The following RBM11 variants were observed in gnomAD, a reference collection of about 807,000 sequenced individuals.
RBM11 encodes RNA binding motif protein 11.
In RBM11, 18 loss-of-function variants were observed where a neutral mutation model predicts 21.4. The observed-to-expected ratio is 0.84, with a 90% CI of 0.58 to 1.25. The LOEUF is 1.25. Among genes scored for constraint, RBM11 ranks in the 50% most tolerant of loss-of-function variants. The probability of loss-of-function intolerance (pLI) is 0.00; values close to 1 mark genes in which losing one functional copy is unlikely to be tolerated. For missense variants in RBM11, 294 were observed against 331.9 expected (o/e 0.89, Z 0.89); for synonymous variants, 120 against 116.3 (o/e 1.03, Z -0.20).
Position 14,219,744 on chromosome 21 carries a change from T to C in RBM11, c.259+19T>C. On this transcript the variant is annotated intron_variant, in intron 2 of 4. Transcript: ENST00000400577. ...CGATTTGGTAGGTCCTGTCACTGAT[T>C]AATCTTCAAAGTGTTTTGTGGTTGG... 6.5e-7 allele frequency: 1 copy of C among 1,543,900 alleles called. No homozygotes were observed. The highest frequency in any genetic ancestry group is 8.8e-7 in the Non-Finnish European group (1 of 1,134,588).
chr21:14,222,262 C>T (rs1346906246), intron 3 of RBM11, among the ~76,000 whole-genome samples: 3 of 151,822 alleles, frequency 2.0e-5, no homozygotes, highest in African/African-American at 7.3e-5. Flanking sequence ...AATAGATATA[C>T]TCTATTCAGA....
In RBM11 at chr21:14,219,497, TTTAC is replaced by T. The variant is rs1978472664; in HGVS notation, c.97-62_97-59del. On this transcript the variant is annotated intron_variant, in intron 1 of 4. Transcript: ENST00000400577. ...CACATTTCTTTAGTCTAAAGTTGAA[TTTAC>T]TTATTTGAGTATAAAAAAAATCTTT... 4.1e-6 allele frequency: 5 copies of T among 1,234,488 alleles called. No individual in the cohort carries two copies. The African/African-American group carries it at 4.5e-5, about 11-fold the overall frequency. 76.5% of individuals were successfully genotyped at this position (1,234,488 alleles called of 1,614,324 possible). A position where few individuals can be genotyped will look rare whatever the true frequency, so the allele number is the denominator to read the frequency against.
At chr21:14,226,836 A>T in intron 4 of RBM11, 44 bp from the exon 5 acceptor site, 1 of 1,557,564 alleles carries the variant, frequency 6.4e-7, no homozygotes, top group Admixed American at 2.0e-5. Context: ...TTTTTCCTTA[A>T]CCTTTTGGAT....
In RBM11 at chr21:14,216,183, G is replaced by T. The variant is rs2020436090; in HGVS notation, c.-4G>T. 6.2e-7 allele frequency: 1 copy of T among 1,612,484 alleles called. No homozygotes were observed. The highest frequency in any genetic ancestry group is 8.5e-7 in the Non-Finnish European group (1 of 1,179,128). The stretch of plus-strand genomic sequence containing the variant: ...CTACTTCATTCTACGGCCGAGACCG[G>T]AGGATGTTCCCTGCTCAGGAGGAGG... On this transcript the variant is annotated 5_prime_UTR_variant, in exon 1 of 5. Transcript: ENST00000400577.
rs1568903202 is a variant in RBM11 at position 14,227,262 on chromosome 21, T to C, written c.815T>C (p.Phe272Ser). ...NNRGNECSQK[F>S]RKSKKKKRY ...AGAGGCAACGAATGTAGCCAAAAGT[T>C]CCGAAAGTCTAAGAAGAAGAAAAGA... The change falls in exon 5 of 5, where the codon TTC becomes TCC. Residue 272 changes from phenylalanine (F) to serine (S), a missense_variant. This residue lies in a region of RBM11 where 113 missense variants were observed against 167.3 expected (regional missense o/e 0.68). Coordinates refer to ENST00000400577, the MANE Select transcript of RBM11 (RefSeq NM_144770.5). 1 of 1,612,804 alleles carries C rather than the reference T, an allele frequency of 6.2e-7. No individual in the cohort carries two copies. The highest frequency in any genetic ancestry group is 8.5e-7 in the Non-Finnish European group (1 of 1,179,512).
At chr21:14,220,960 T>C in intron 2 of RBM11, 137 bp from the exon 3 acceptor site, 1 of 714,692 alleles carries the variant, frequency 1.4e-6, no homozygotes, top group South Asian at 2.2e-5. Flanking sequence ...AGGTCAGATA[T>C]GCATATATCT....
Position 14,219,564 on chromosome 21 carries a change from C to A in RBM11, c.98C>A (p.Ala33Glu). ...AAATAATTTTTAAGTTTCTTATAGGCGGGGCCACTAACCAAAGTGACTATA... is the reference window on the plus strand; with the variant it reads ...AAATAATTTTTAAGTTTCTTATAGGAGGGGCCACTAACCAAAGTGACTATA... ...EEILYELFLQ[A>E]GPLTKVTICK... The change falls in exon 2 of 5, where the codon GCG becomes GAG. Residue 33 changes from alanine to glutamate, a missense_variant and splice_region_variant. Transcript: ENST00000400577. 1 of 1,489,342 alleles carries A rather than the reference C, an allele frequency of 6.7e-7. No individual in the cohort carries two copies. Among genetic ancestry groups the A allele is most frequent in the Non-Finnish European group, 9.0e-7 (1 of 1,106,002 alleles). The allele number at this position is 1,489,342 out of a possible 1,614,324, so 92.3% of individuals were successfully genotyped here.
intron 2 of RBM11, among the ~76,000 whole-genome samples, chr21:14,220,298 A>C (rs1449477190): frequency 6.6e-6 from 1 of 152,176 alleles, no homozygotes; most frequent in Non-Finnish European, 1.5e-5. Flanking sequence ...TATCAGGAAC[A>C]GATCATTCAT....
rs549321619 is a variant in RBM11, at chr21:14,221,003, C to T, written c.260-94C>T. 91 of 1,261,162 alleles carry T rather than the reference C, an allele frequency of 7.2e-5. 2 individuals are homozygous for T. In the South Asian group the frequency reaches 1.0e-3, roughly 14 times the overall value. The allele number at this position is 1,261,162 out of a possible 1,614,324, so 78.1% of individuals were successfully genotyped here. Reference sequence around the variant, plus strand: ...GTACAGAATTTTAAAATCACTACTACGTCCTAAAATATTTTGAGTCATTTT... The same window carrying T: ...GTACAGAATTTTAAAATCACTACTATGTCCTAAAATATTTTGAGTCATTTT... On this transcript the variant is annotated intron_variant, in intron 2 of 4. Transcript: ENST00000400577.
At chr21:14,222,121 T>G (rs1978714481) in intron 3 of RBM11, among the ~76,000 whole-genome samples, 1 of 152,144 alleles carries the variant, frequency 6.6e-6, no homozygotes, top group Admixed American at 6.6e-5. Flanking sequence ...ATGTTTGGCT[T>G]CATCATGCTC....
At chr21:14,226,390 G>A (rs963768293) in intron 4 of RBM11, among the ~76,000 whole-genome samples, 3 of 151,978 alleles carry the variant, frequency 2.0e-5, no homozygotes, top group Admixed American at 1.3e-4. Context: ...AGGCTGAGGC[G>A]GGTGGGTCAC....
intron 3 of RBM11, among the ~76,000 whole-genome samples, chr21:14,224,204 T>G (rs774811036): frequency 2.0e-4 from 31 of 152,184 alleles, no homozygotes; most frequent in Non-Finnish European, 4.0e-4. Context: ...TAATGATATC[T>G]GCAGTGACCC....
rs142168186 is a variant in RBM11, at chr21:14,216,699, GC to G, written c.96+420del. On this transcript the variant is annotated intron_variant, in intron 1 of 4. Coordinates refer to ENST00000400577, the MANE Select transcript of RBM11 (RefSeq NM_144770.5). ...TTTTACACCTTGCTCCTTCCTTCAA[GC>G]CCTTTTATGCGGACAGTATTTTTAT... 2.6e-5 allele frequency among the ~76,000 whole-genome samples: 4 copies of G among 152,222 alleles called. No individual in the cohort carries two copies. In the East Asian group the frequency reaches 7.7e-4, roughly 29 times the overall value.
chr21:14,225,261 C>T (rs1325023538), intron 4 of RBM11, among the ~76,000 whole-genome samples: 2 of 152,262 alleles, frequency 1.3e-5, no homozygotes, highest in Admixed American at 6.5e-5. Context: ...ACAAAACTAT[C>T]CTTCTTGAGT....
intron 1 of RBM11, among the ~76,000 whole-genome samples, chr21:14,217,348 A>G (rs2020468625): frequency 6.6e-6 from 1 of 152,188 alleles, no homozygotes. Context: ...TACTAACATC[A>G]AGAGAAATCA....
At chr21:14,219,163 G>A (rs752369194) in intron 1 of RBM11, among the ~76,000 whole-genome samples, 4 of 152,062 alleles carry the variant, frequency 2.6e-5, no homozygotes, top group Non-Finnish European at 5.9e-5. Flanking sequence ...CAGCTTTTTT[G>A]AGGATAACTC....
chr21:14,226,343 G>C (rs1279143754), intron 4 of RBM11, among the ~76,000 whole-genome samples: 1 of 152,104 alleles, frequency 6.6e-6, no homozygotes, highest in African/African-American at 2.4e-5. Flanking sequence ...TGTGGGCTGG[G>C]TGCGGTGGCT....
intron 1 of RBM11, among the ~76,000 whole-genome samples, chr21:14,218,832 T>G (rs1234244059): frequency 2.0e-5 from 3 of 152,302 alleles, no homozygotes; most frequent in African/African-American, 7.2e-5. Flanking sequence ...TTCTATGATA[T>G]TTGGCTCTGT....
intron 1 of RBM11, 78 bp downstream of exon 1, chr21:14,216,360 A>C: frequency 8.2e-7 from 1 of 1,225,948 alleles, no homozygotes. Context: ...GACCACCCGG[A>C]GCCCGGCCCC....
Sources: gnomAD v4.1 joint callset for allele counts (sites outside exome capture counted in the v4.1 genomes callset) on GRCh38, gnomAD v4.1.1 for gene constraint, gnomAD v4.1.1 regional missense constraint, MANE v1.5 for transcripts, NCBI Gene and HGNC (gene_info 2026-07-23, HGNC 2026-07-21) for gene names.